KCNT1: variants seen among roughly 807,000 people sequenced by gnomAD.
KCNT1 encodes the protein potassium channel subfamily T member 1.
A neutral mutation model predicts 147.8 loss-of-function variants in KCNT1; 78 were observed. That is an observed-to-expected ratio of 0.53 (90% CI 0.44 to 0.64). The LOEUF (loss-of-function observed/expected upper bound fraction) is 0.64, where lower values mean the gene tolerates loss of function less well. Ranked by LOEUF, KCNT1 falls within the 30% of genes least tolerant of loss-of-function variation. The probability of loss-of-function intolerance (pLI) is 0.00; values close to 1 mark genes in which losing one functional copy is unlikely to be tolerated. For synonymous variants in KCNT1, 867 were observed against 748.8 expected (o/e 1.16, Z -2.58); for missense variants, 1,419 against 1,750.3 (o/e 0.81, Z 3.38).
intron 2 of KCNT1, among the ~76,000 whole-genome samples, chr9:135,747,943 A>G (rs189802044): frequency 3.9e-5 from 6 of 151,984 alleles, no homozygotes; most frequent in Admixed American, 3.9e-4. Context: ...TCATTTATTT[A>G]TTTATTATTC....
chr9:135,791,167 C>T lies in KCNT1; in HGVS notation c.3503-630C>T, dbSNP rs183489562. ...GCTGAGCACAGCGAGTGGGAATGGCCTGTCCAGGCCCGGGGACAGCGGCAG... is the reference window on the plus strand; with the variant it reads ...GCTGAGCACAGCGAGTGGGAATGGCTTGTCCAGGCCCGGGGACAGCGGCAG... On this transcript the variant is annotated intron_variant, in intron 29 of 30. Coordinates refer to ENST00000371757, the MANE Select transcript of KCNT1 (RefSeq NM_020822.3). 609 of 152,984 alleles carry T rather than the reference C, an allele frequency of 4.0e-3. 5 individuals carry two copies. The highest frequency in any genetic ancestry group is 6.7e-3 in the Middle Eastern group (2 of 298). 9.5% of individuals were successfully genotyped at this position (152,984 alleles called of 1,614,324 possible).
intron 2 of KCNT1, among the ~76,000 whole-genome samples, chr9:135,726,838 CCTGT>C (rs1238775143): frequency 1.2e-4 from 13 of 107,320 alleles, no homozygotes; most frequent in African/African-American, 4.7e-4. Flanking sequence ...TCACTCTCTC[CCTGT>C]CTCTCTCCCT....
chr9:135,745,708 GGT>G (rs1830795661), intron 2 of KCNT1, among the ~76,000 whole-genome samples: 1 of 152,240 alleles, frequency 6.6e-6, no homozygotes, highest in Non-Finnish European at 1.5e-5. Flanking sequence ...TCCCTGTCCT[GGT>G]TCCCATTCCC....
chr9:135,774,130 TGTG>T (rs1832947614), intron 19 of KCNT1, among the ~76,000 whole-genome samples: 2 of 151,076 alleles, frequency 1.3e-5, no homozygotes, highest in African/African-American at 2.4e-5. Flanking sequence ...TGGTGTGTGT[TGTG>T]TGATATGTGA....
intron 18 of KCNT1, 60 bp downstream of exon 18, chr9:135,771,155 G>T: frequency 6.8e-7 from 1 of 1,476,744 alleles, no homozygotes; most frequent in Non-Finnish European, 9.2e-7. Context: ...GAGACCAGGC[G>T]GGACACCGGC....
chr9:135,734,382 C>T (rs893170197), intron 2 of KCNT1, among the ~76,000 whole-genome samples: 3 of 152,198 alleles, frequency 2.0e-5, no homozygotes, highest in Admixed American at 6.5e-5. Context: ...GACTGCTGCT[C>T]GATGCCGAAG....
chr9:135,744,355 C>T (rs73574647), intron 2 of KCNT1, among the ~76,000 whole-genome samples: 4,218 of 152,328 alleles, frequency 0.028, 184 homozygotes, highest in African/African-American at 0.096. Flanking sequence ...CCATGAGAGC[C>T]CCTTTGCAGC....
intron 20 of KCNT1, among the ~76,000 whole-genome samples, chr9:135,776,081 G>A (rs1833150165): frequency 6.6e-6 from 1 of 151,998 alleles, no homozygotes; most frequent in Admixed American, 6.6e-5. Flanking sequence ...CAGGTCACTG[G>A]CGATGTTTAC....
At position 135,768,709 on chromosome 9, in the gene KCNT1, G is replaced by A. The variant is rs769509328; in HGVS notation, c.1401+36G>A. 8.4e-6 allele frequency: 13 copies of A among 1,541,130 alleles called. No homozygotes were observed. In the South Asian group the frequency reaches 1.1e-4, roughly 13 times the overall value. On this transcript the variant is annotated intron_variant, in intron 14 of 30. Coordinates refer to ENST00000371757, the MANE Select transcript of KCNT1 (RefSeq NM_020822.3). ...CTGAGGCCCTGCCCAGGCGGGAGGGGCACCGTGGGGCCGGGGAGCGGGGGT... is the reference window on the plus strand; with the variant it reads ...CTGAGGCCCTGCCCAGGCGGGAGGGACACCGTGGGGCCGGGGAGCGGGGGT...
intron 7 of KCNT1, 70 bp from the exon 8 acceptor site, chr9:135,757,086 C>CT: frequency 2.1e-6 from 2 of 948,202 alleles, no homozygotes; most frequent in South Asian, 1.4e-5. Flanking sequence ...CTTCCCCACC[C>CT]TGCCCCTCCC....
At chr9:135,721,018 G>T (rs1031389012) in intron 2 of KCNT1, among the ~76,000 whole-genome samples, 1 of 152,258 alleles carries the variant, frequency 6.6e-6, no homozygotes, top group Non-Finnish European at 1.5e-5. Flanking sequence ...AGCCCAAGGG[G>T]CAGTGGTGGT....
intron 2 of KCNT1, among the ~76,000 whole-genome samples, chr9:135,732,786 CT>C (rs1446611631): frequency 2.0e-5 from 3 of 151,876 alleles, no homozygotes; most frequent in African/African-American, 7.2e-5. Context: ...CATTCTCTCT[CT>C]CTTCTCTTTT....
In KCNT1 at chr9:135,702,202, G is replaced by A; in HGVS notation, c.-57G>A. ...TGTTTTTCAGGGCAACGCGAGGGAA[G>A]AAGGTGGCGGCTCCCACTCGCTTCT... On this transcript the variant is annotated 5_prime_UTR_variant, in exon 1 of 31. Coordinates refer to ENST00000371757, the MANE Select transcript of KCNT1 (RefSeq NM_020822.3). 3 of 1,273,532 alleles carry A rather than the reference G, an allele frequency of 2.4e-6. No individual in the cohort carries two copies. Among genetic ancestry groups the A allele is most frequent in the Non-Finnish European group, 3.4e-6 (3 of 887,290 alleles). The allele number at this position is 1,273,532 out of a possible 1,614,324, so 78.9% of individuals were successfully genotyped here. A position where few individuals can be genotyped will look rare whatever the true frequency, so the allele number is the denominator to read the frequency against.
rs556677873 is a variant in KCNT1 at position 135,705,860 on chromosome 9, C to A, written c.110+3492C>A. On this transcript the variant is annotated intron_variant, in intron 1 of 30. Coordinates refer to ENST00000371757, the MANE Select transcript of KCNT1 (RefSeq NM_020822.3). ...CCTGGGGTAGGTCCCTGGGAAGGCC[C>A]TCCTTGAGAGGGGGCCTCCAGCTGC... Among the ~76,000 whole-genome samples the A allele has an allele frequency of 2.4e-3, 368 of 151,488 alleles. 3 individuals are homozygous for A. Among genetic ancestry groups the A allele is most frequent in the Admixed American group, 4.3e-3 (66 of 15,232 alleles).
chr9:135,762,218 A>T (rs1831963212), intron 11 of KCNT1, among the ~76,000 whole-genome samples: 1 of 152,184 alleles, frequency 6.6e-6, no homozygotes, highest in Non-Finnish European at 1.5e-5. Flanking sequence ...CCAAGGCGGG[A>T]GGATCGCTTG....
intron 24 of KCNT1, 147 bp from the exon 25 acceptor site, chr9:135,783,877 C>T: frequency 1.5e-6 from 1 of 654,358 alleles, no homozygotes; most frequent in Non-Finnish European, 2.8e-6. Context: ...ACACTGTGTA[C>T]ACGTGGACAC....
At chr9:135,763,184 G>T (rs886827123) in intron 11 of KCNT1, among the ~76,000 whole-genome samples, 2 of 152,238 alleles carry the variant, frequency 1.3e-5, no homozygotes, top group Non-Finnish European at 2.9e-5. Flanking sequence ...CAGGGCTGGG[G>T]GTGATTGGGA....
At chr9:135,747,623 A>G (rs11103155) in intron 2 of KCNT1, among the ~76,000 whole-genome samples, 79,800 of 152,082 alleles carry the variant, frequency 0.52, 21,264 homozygotes, top group Middle Eastern at 0.59. Flanking sequence ...CTCCCCAGCC[A>G]GGGCTCCAGG....
intron 1 of KCNT1, among the ~76,000 whole-genome samples, chr9:135,703,785 A>G (rs1835132753): frequency 6.6e-6 from 1 of 152,188 alleles, no homozygotes; most frequent in Non-Finnish European, 1.5e-5. Context: ...CCGGCAGGAC[A>G]GTGTCCTCAG....
Sources: allele counts gnomAD v4.1 joint callset (sites outside exome capture counted in the v4.1 genomes callset), GRCh38; gene constraint gnomAD v4.1.1; transcripts MANE v1.5; gene names NCBI Gene and HGNC (gene_info 2026-07-23, HGNC 2026-07-21).